Variants in KIF26B observed in about 807,000 individuals in gnomAD.
The protein encoded by KIF26B is kinesin family member 26B, also known as kinesin-like protein KIF26B.
Under a neutral mutation model 151.2 loss-of-function variants are expected in KIF26B, and 63 were observed. The ratio of observed to expected loss-of-function variants is 0.42; its 90% confidence interval spans 0.34 to 0.51. The LOEUF (loss-of-function observed/expected upper bound fraction) is 0.51. Ranked by LOEUF, KIF26B falls within the 20% of genes least tolerant of loss-of-function variation. KIF26B has a pLI of 0.07. For missense variants in KIF26B, 2,813 were observed against 2,913.6 expected, an observed-to-expected ratio of 0.97 and a Z score of 0.79; for synonymous variants, 1,357 against 1,262.1, an observed-to-expected ratio of 1.08 and a Z score of -1.59.
At chr1:245,175,597 C>A (rs1381207395) in intron 2 of KIF26B, among the ~76,000 whole-genome samples, 1 of 152,016 alleles carries the variant, frequency 6.6e-6, no homozygotes, top group East Asian at 1.9e-4. Context: ...TCTGTCAATG[C>A]AAGATTTTTT....
chr1:245,273,479 T>C (rs1321884162), intron 2 of KIF26B, among the ~76,000 whole-genome samples: 1 of 151,528 alleles, frequency 6.6e-6, no homozygotes, highest in Non-Finnish European at 1.5e-5. Flanking sequence ...AATCTCCTAC[T>C]ATTGTTGTGT....
At chr1:245,482,249 G>C (rs1660181949) in intron 4 of KIF26B, among the ~76,000 whole-genome samples, 1 of 148,150 alleles carries the variant, frequency 6.7e-6, no homozygotes, top group South Asian at 2.2e-4. Flanking sequence ...GCACCACCAT[G>C]CCTGGCTAAT....
At chr1:245,155,731 C>T (rs1668418051) in intron 1 of KIF26B, among the ~76,000 whole-genome samples, 1 of 152,240 alleles carries the variant, frequency 6.6e-6, no homozygotes, top group African/African-American at 2.4e-5. Flanking sequence ...TAACTTTTGC[C>T]GCATTCCTGC....
At chr1:245,322,561 T>G (rs2102987600) in intron 2 of KIF26B, among the ~76,000 whole-genome samples, 1 of 152,288 alleles carries the variant, frequency 6.6e-6, no homozygotes, top group Admixed American at 6.5e-5. Context: ...GAGACAGTAC[T>G]CTAAAGTCAG....
At chr1:245,402,095 C>T (rs950930456) in intron 3 of KIF26B, among the ~76,000 whole-genome samples, 1 of 152,178 alleles carries the variant, frequency 6.6e-6, no homozygotes, top group African/African-American at 2.4e-5. Context: ...GCTGGGCTGG[C>T]CTGCCCTCAG....
chr1:245,690,136 A>G (rs910450388), intron 12 of KIF26B, among the ~76,000 whole-genome samples: 5 of 152,222 alleles, frequency 3.3e-5, no homozygotes, highest in Non-Finnish European at 5.9e-5. Flanking sequence ...ATCTCTGCTC[A>G]TAAGTGGCTT....
intron 9 of KIF26B, among the ~76,000 whole-genome samples, chr1:245,628,053 C>A (rs927174252): frequency 6.6e-6 from 1 of 152,196 alleles, no homozygotes; most frequent in Non-Finnish European, 1.5e-5. Flanking sequence ...ACCAGAGGTA[C>A]GACGAGGAGC....
chr1:245,315,710 CAA>C (rs34972152), intron 2 of KIF26B, among the ~76,000 whole-genome samples: 239 of 119,450 alleles, frequency 2.0e-3, no homozygotes, highest in African/African-American at 1.8e-3. Flanking sequence ...TGACAGAGTG[CAA>C]AAAAAAAAAA....
intron 5 of KIF26B, among the ~76,000 whole-genome samples, chr1:245,586,808 C>T (rs2043230830): frequency 6.6e-6 from 1 of 151,444 alleles, no homozygotes; most frequent in South Asian, 2.1e-4. Flanking sequence ...ATGGCGTGAA[C>T]CCGGGAAGCG....
chr1:245,368,011 C>T (rs1673004722), intron 3 of KIF26B, among the ~76,000 whole-genome samples: 1 of 152,122 alleles, frequency 6.6e-6, no homozygotes, highest in Non-Finnish European at 1.5e-5. Flanking sequence ...TTAAAGCAGC[C>T]TGTGGAAGTG....
chr1:245,534,363 A>G (rs1356436371), intron 4 of KIF26B, among the ~76,000 whole-genome samples: 2 of 151,982 alleles, frequency 1.3e-5, no homozygotes, highest in Admixed American at 6.6e-5. Flanking sequence ...GGGTTTCACC[A>G]TGTTAGCCAG....
chr1:245,702,360 G>C lies in KIF26B; in HGVS notation c.6179-98G>C. ...CAAGCGAACTAGACCTTTAGACCAAGGGGTAGATGTGGGGGTGGCAGCTCC... is the reference window on the plus strand; with the variant it reads ...CAAGCGAACTAGACCTTTAGACCAACGGGTAGATGTGGGGGTGGCAGCTCC... On this transcript the variant is annotated intron_variant, in intron 14 of 14. Coordinates refer to ENST00000407071, the MANE Select transcript of KIF26B (RefSeq NM_018012.4). The surrounding 1 kb of genome is among the most constrained non-coding windows in gnomAD (Gnocchi z 4.1). The C allele has an allele frequency of 7.4e-7, 1 of 1,352,054 alleles. No homozygotes were observed. The highest frequency in any genetic ancestry group is 1.0e-6 in the Non-Finnish European group (1 of 962,444). 83.8% of individuals were successfully genotyped at this position (1,352,054 alleles called of 1,614,324 possible).
rs111594958 is a variant in KIF26B, at chr1:245,696,904, G to A, written c.5825-1202G>A. On this transcript the variant is annotated intron_variant, in intron 12 of 14. Transcript: ENST00000407071. ...GCAAGTGGATCATTTGAGATCAGGC[G>A]TTCGAGACCAGTCTGGCCAACATCG... 6.6e-4 allele frequency among the ~76,000 whole-genome samples: 100 copies of A among 152,276 alleles called. 1 individual carries two copies. The East Asian group carries it at 0.012, about 19-fold the overall frequency.
chr1:245,697,059 T>C (rs1402028384), intron 12 of KIF26B, among the ~76,000 whole-genome samples: 2 of 152,118 alleles, frequency 1.3e-5, no homozygotes, highest in African/African-American at 4.8e-5. Flanking sequence ...TGCAGTGACC[T>C]GAGATCACAC....
At chr1:245,165,105 A>G (rs1362933649) in intron 2 of KIF26B, among the ~76,000 whole-genome samples, 2 of 152,060 alleles carry the variant, frequency 1.3e-5, no homozygotes, top group South Asian at 2.1e-4. Flanking sequence ...GAGAATGAGC[A>G]AGAAGATGGG....
At chr1:245,257,660 C>T (rs1344844349) in intron 2 of KIF26B, among the ~76,000 whole-genome samples, 2 of 152,268 alleles carry the variant, frequency 1.3e-5, no homozygotes, top group South Asian at 2.1e-4. Flanking sequence ...AAAGCCCTCC[C>T]GTGTCTAGAA....
At chr1:245,356,998 A>T (rs554680738) in intron 2 of KIF26B, among the ~76,000 whole-genome samples, 3 of 152,340 alleles carry the variant, frequency 2.0e-5, no homozygotes, top group African/African-American at 7.2e-5. Flanking sequence ...AGCAAGTACA[A>T]TGTCACTGAG....
At chr1:245,389,286 T>C (rs1673628869) in intron 3 of KIF26B, among the ~76,000 whole-genome samples, 1 of 152,124 alleles carries the variant, frequency 6.6e-6, no homozygotes, top group Admixed American at 6.5e-5. Flanking sequence ...GCTAATTTTG[T>C]ATTTTTAGTA....
intron 5 of KIF26B, among the ~76,000 whole-genome samples, chr1:245,583,618 T>G (rs2043198113): frequency 6.6e-6 from 1 of 152,248 alleles, no homozygotes; most frequent in Non-Finnish European, 1.5e-5. Flanking sequence ...CCCTCTCCAA[T>G]GCTGCCGGAG....
Sources: gnomAD v4.1 joint callset for allele counts (sites outside exome capture counted in the v4.1 genomes callset) on GRCh38, gnomAD v4.1.1 for gene constraint, Gnocchi (gnomAD v3.1) non-coding constraint, MANE v1.5 for transcripts, NCBI Gene and HGNC (gene_info 2026-07-23, HGNC 2026-07-21) for gene names.